Variants in SORD observed in about 807,000 individuals in gnomAD.
The protein encoded by SORD is sorbitol dehydrogenase.
SORD carries 18 observed loss-of-function variants against 35.6 expected under a neutral mutation model. The ratio of observed to expected loss-of-function variants is 0.51; its 90% CI spans 0.35 to 0.75. SORD has a LOEUF of 0.75. Among genes scored for constraint, SORD ranks in the 30% least tolerant of loss-of-function variants. The pLI is 0.01. For synonymous variants in SORD, 106 were observed against 152.9 expected (o/e 0.69, Z 2.26); for missense variants, 250 against 390.2 (o/e 0.64, Z 3.03).
intron 3 of SORD, among the ~76,000 whole-genome samples, chr15:45,054,152 A>G (rs548755363): frequency 6.6e-6 from 1 of 152,336 alleles, no homozygotes; most frequent in South Asian, 2.1e-4. Context: ...TCTTTTGGGT[A>G]TATACCCAGT....
Position 45,065,464 on chromosome 15 carries a change from C to G in SORD, c.544+75C>G, listed in dbSNP as rs1010545830. The G allele has an allele frequency of 6.6e-6, 10 of 1,521,136 alleles. No individual in the cohort carries two copies. The African/African-American group carries it at 1.2e-4, about 19-fold the overall frequency. The allele number at this position is 1,521,136 out of a possible 1,614,324, so 94.2% of individuals were successfully genotyped here. A position where few individuals can be genotyped will look rare whatever the true frequency, so the allele number is the denominator to read the frequency against. ...GGAACCCTCTGCCCATCTCATTCCC[C>G]CTCCAAGGCTTGAGATTTGTTCTAG... On this transcript the variant is annotated intron_variant, in intron 5 of 8. Coordinates refer to ENST00000267814, the MANE Select transcript of SORD (RefSeq NM_003104.6).
intron 2 of SORD, 68 bp downstream of exon 2, chr15:45,040,509 A>G: frequency 2.5e-6 from 3 of 1,178,924 alleles, no homozygotes; most frequent in Non-Finnish European, 3.8e-6. Flanking sequence ...TCACATGTAT[A>G]TTGTTCCCTT....
intron 1 of SORD, among the ~76,000 whole-genome samples, chr15:45,037,311 C>G (rs1322415607): frequency 2.0e-5 from 3 of 152,206 alleles, no homozygotes; most frequent in Non-Finnish European, 4.4e-5. Context: ...CTGTTCAGCT[C>G]TGTTAACTTG....
chr15:45,068,824 A>G, intron 6 of SORD, 53 bp from the exon 7 acceptor site: 1 of 1,398,644 alleles, frequency 7.1e-7, no homozygotes, highest in Non-Finnish European at 9.3e-7. Flanking sequence ...CTAATGAGTC[A>G]TCAGATTTCT....
At chr15:45,065,412 T>A (rs755740060) in intron 5 of SORD, 23 bp downstream of exon 5, 12 of 1,580,922 alleles carry the variant, frequency 7.6e-6, no homozygotes, top group Non-Finnish European at 7.7e-6. Flanking sequence ...AGCCACCCTG[T>A]TGCGGGTTCA....
At chr15:45,037,180 G>A (rs551257926) in intron 1 of SORD, among the ~76,000 whole-genome samples, 5 of 152,368 alleles carry the variant, frequency 3.3e-5, no homozygotes, top group African/African-American at 7.2e-5. Context: ...TGCAGGGAGA[G>A]GAATTTATTT....
At chr15:45,067,764 C>T (rs1893430313) in intron 5 of SORD, among the ~76,000 whole-genome samples, 2 of 152,168 alleles carry the variant, frequency 1.3e-5, no homozygotes, top group Non-Finnish European at 2.9e-5. Flanking sequence ...GAATATGTCT[C>T]TCTCTGGGGG....
At chr15:45,053,932 A>G (rs1244340350) in intron 3 of SORD, among the ~76,000 whole-genome samples, 6 of 143,824 alleles carry the variant, frequency 4.2e-5, no homozygotes, top group African/African-American at 1.3e-4. Context: ...ACCGAGAATG[A>G]TGATTTCCAA....
intron 6 of SORD, among the ~76,000 whole-genome samples, 177 bp from the exon 7 acceptor site, chr15:45,068,700 G>C (rs987010399): frequency 6.6e-6 from 1 of 151,534 alleles, no homozygotes; most frequent in Non-Finnish European, 1.5e-5. Context: ...CTGCATGTGG[G>C]CTGCAGGTTG....
intron 3 of SORD, among the ~76,000 whole-genome samples, chr15:45,060,273 G>A (rs192408249): frequency 1.5e-3 from 232 of 152,330 alleles, no homozygotes; most frequent in South Asian, 3.1e-3. Flanking sequence ...GTTCCTTGAA[G>A]AATGTAGGAG....
intron 1 of SORD, among the ~76,000 whole-genome samples, chr15:45,029,875 T>C (rs1364674819): frequency 6.6e-6 from 1 of 152,256 alleles, no homozygotes; most frequent in Non-Finnish European, 1.5e-5. Flanking sequence ...GTCAGGTCAT[T>C]TCCCCCTCTA....
chr15:45,069,384 T>A (rs928605179), intron 7 of SORD, among the ~76,000 whole-genome samples: 2 of 151,138 alleles, frequency 1.3e-5, no homozygotes, highest in African/African-American at 4.9e-5. Flanking sequence ...GTTTTTTGTA[T>A]TTTTTTTAGA....
intron 4 of SORD, 104 bp downstream of exon 4, chr15:45,061,330 C>G: frequency 7.8e-7 from 1 of 1,285,792 alleles, no homozygotes; most frequent in South Asian, 1.3e-5. Context: ...CTCATAATTC[C>G]AAACATGAGG....
chr15:45,066,117 C>T (rs1375204977), intron 5 of SORD, among the ~76,000 whole-genome samples: 1 of 150,594 alleles, frequency 6.6e-6, no homozygotes, highest in South Asian at 2.1e-4. Context: ...GGTGGTGCAC[C>T]CCCTGTAGTC....
chr15:45,035,746 G>A (rs1295013392), intron 1 of SORD, among the ~76,000 whole-genome samples: 3 of 152,126 alleles, frequency 2.0e-5, no homozygotes, highest in African/African-American at 4.8e-5. Context: ...GTGAAGGTCT[G>A]CAGCTTCACT....
chr15:45,031,505 C>G (rs768922839), intron 1 of SORD, among the ~76,000 whole-genome samples: 4 of 152,252 alleles, frequency 2.6e-5, no homozygotes, highest in African/African-American at 9.6e-5. Context: ...AGAGTTCTCA[C>G]GGGCAGAGCT....
chr15:45,044,715 T>C (rs1248547342), intron 3 of SORD, among the ~76,000 whole-genome samples: 1 of 150,758 alleles, frequency 6.6e-6, no homozygotes, highest in Non-Finnish European at 1.5e-5. Flanking sequence ...TTTTTTTTTT[T>C]TTTGACGGAG....
chr15:45,070,762 C>A (rs1339987652), intron 7 of SORD: 1 of 152,198 alleles, frequency 6.6e-6, no homozygotes, highest in Admixed American at 6.5e-5. Context: ...AGGTAAGTGA[C>A]CTCCACCCCG....
intron 1 of SORD, among the ~76,000 whole-genome samples, chr15:45,029,434 T>G (rs1358257605): frequency 6.6e-6 from 1 of 152,182 alleles, no homozygotes; most frequent in Non-Finnish European, 1.5e-5. Flanking sequence ...AATGAGTGAG[T>G]GCGGGATCCA....
Sources: allele counts gnomAD v4.1 joint callset (sites outside exome capture counted in the v4.1 genomes callset), GRCh38; gene constraint gnomAD v4.1.1; transcripts MANE v1.5; gene names NCBI Gene and HGNC (gene_info 2026-07-23, HGNC 2026-07-21).